The following CCL18 variants were observed in gnomAD, a reference collection of about 807,000 sequenced individuals.
CCL18 encodes the protein C-C motif chemokine 18.
A neutral mutation model predicts 8.0 loss-of-function variants in CCL18; 7 were observed. The observed-to-expected ratio is 0.87, with a 90% confidence interval of 0.50 to 1.64. The LOEUF is 1.64. Ranked by LOEUF, CCL18 falls within the 40% of genes most tolerant of loss-of-function variation. The pLI is 0.00. For synonymous variants in CCL18, 35 were observed against 41.3 expected (o/e 0.85, Z 0.59); for missense variants, 95 against 107.8 (o/e 0.88, Z 0.52).
chr17:36,064,446 G>A (rs773250744), intron 1 of CCL18, 37 bp downstream of exon 1: 1 of 1,546,186 alleles, frequency 6.5e-7, no homozygotes, highest in Admixed American at 1.7e-5. Flanking sequence ...TGGCTCCCTG[G>A]GCAGAAGTCA....
intron 1 of CCL18, 122 bp from the exon 2 acceptor site, chr17:36,070,325 T>A (rs1476972316): frequency 3.3e-6 from 2 of 610,326 alleles, no homozygotes; most frequent in Non-Finnish European, 6.0e-6. Flanking sequence ...TCTTTGTCCC[T>A]ATATCCCCAC....
At chr17:36,065,584 G>A (rs987262875) in intron 1 of CCL18, among the ~76,000 whole-genome samples, 4 of 152,172 alleles carry the variant, frequency 2.6e-5, no homozygotes, top group Admixed American at 2.0e-4. Context: ...AGTGGATATG[G>A]AGAAACATAA....
intron 1 of CCL18, among the ~76,000 whole-genome samples, chr17:36,067,879 T>C (rs854470): frequency 0.78 from 118,662 of 152,164 alleles, 47,176 homozygotes; most frequent in African/African-American, 0.94. Flanking sequence ...TATTATACAG[T>C]GGTGGTCCCA....
Position 36,068,535 on chromosome 17 carries a change from T to C in CCL18, c.68-1912T>C, listed in dbSNP as rs117042407. Among the ~76,000 whole-genome samples the C allele has an allele frequency of 5.0e-3, 762 of 152,362 alleles. 1 individual carries two copies. Among genetic ancestry groups the C allele is most frequent in the Middle Eastern group, 0.048 (14 of 294 alleles). ...ATTCTTTTCTGTATTTTATGTGTTTTCAAAATTAGCTTTACTGCTTTTTGG... is the reference window on the plus strand; with the variant it reads ...ATTCTTTTCTGTATTTTATGTGTTTCCAAAATTAGCTTTACTGCTTTTTGG... On this transcript the variant is annotated intron_variant, in intron 1 of 2. Transcript: ENST00000616054.
rs1353345551 is a variant in CCL18, at chr17:36,071,887, C to T, written c.*846C>T. On this transcript the variant is annotated 3_prime_UTR_variant, in exon 3 of 3. Transcript: ENST00000616054. ...TACTGCCCATAGTCTAGCAAGGACT[C>T]CTTACCTGGAAGTTGCTGAAAGCCT... The T allele has an allele frequency of 6.6e-6, 1 of 152,154 alleles. No individual in the cohort carries two copies. The highest frequency in any genetic ancestry group is 2.4e-5 in the African/African-American group (1 of 41,416). 9.4% of individuals were successfully genotyped at this position (152,154 alleles called of 1,614,324 possible). A position where few individuals can be genotyped will look rare whatever the true frequency, so the allele number is the denominator to read the frequency against.
Position 36,071,336 on chromosome 17 carries a change from T to C in CCL18, c.*295T>C. ...ACTCTTCGTACATTCAATGCATGGA[T>C]CAATCAGTGTGATTAGCTTTCTCAG... On this transcript the variant is annotated 3_prime_UTR_variant, in exon 3 of 3. Transcript: ENST00000616054. 2.7e-6 allele frequency: 1 copy of C among 365,222 alleles called. No homozygotes were observed. The highest frequency in any genetic ancestry group is 4.9e-6 in the Non-Finnish European group (1 of 202,142). 22.6% of individuals were successfully genotyped at this position (365,222 alleles called of 1,614,324 possible).
intron 2 of CCL18, 142 bp from the exon 3 acceptor site, chr17:36,070,809 G>A (rs1447437690): frequency 5.6e-6 from 4 of 717,396 alleles, no homozygotes; most frequent in Non-Finnish European, 1.0e-5. Flanking sequence ...ATTTGGGGAA[G>A]GCCTGTGAAC....
At chr17:36,067,895 T>C (rs1262703765) in intron 1 of CCL18, among the ~76,000 whole-genome samples, 1 of 152,120 alleles carries the variant, frequency 6.6e-6, no homozygotes, top group Non-Finnish European at 1.5e-5. Flanking sequence ...TCCCATAAGA[T>C]TATAATTCTG....
In CCL18 at chr17:36,071,071, A is replaced by G; in HGVS notation, c.*30A>G. On this transcript the variant is annotated 3_prime_UTR_variant, in exon 3 of 3. Transcript: ENST00000616054. ...CCTGGAAGCTGCGAGGGCCCAGTGA[A>G]CTTGGTGGGCCCAGGAGGGAACAGG... 3.3e-6 allele frequency: 5 copies of G among 1,513,104 alleles called. No homozygotes were observed. The highest frequency in any genetic ancestry group is 3.7e-6 in the Non-Finnish European group (4 of 1,089,836). The allele number at this position is 1,513,104 out of a possible 1,614,324, so 93.7% of individuals were successfully genotyped here.
At chr17:36,069,896 C>T (rs2066856683) in intron 1 of CCL18, among the ~76,000 whole-genome samples, 1 of 152,168 alleles carries the variant, frequency 6.6e-6, no homozygotes, top group Non-Finnish European at 1.5e-5. Context: ...ACCCCACTGC[C>T]CGAGTCTATC....
intron 1 of CCL18, among the ~76,000 whole-genome samples, chr17:36,068,104 A>G (rs1309267943): frequency 6.6e-6 from 1 of 152,216 alleles, no homozygotes; most frequent in African/African-American, 2.4e-5. Flanking sequence ...ATATTCCCAC[A>G]ATAACAAAAC....
intron 1 of CCL18, among the ~76,000 whole-genome samples, chr17:36,065,924 C>A (rs989556490): frequency 6.6e-6 from 1 of 152,158 alleles, no homozygotes; most frequent in Non-Finnish European, 1.5e-5. Flanking sequence ...CTTTTCCCAG[C>A]AAGAGACCAT....
At chr17:36,067,993 C>T (rs961174626) in intron 1 of CCL18, among the ~76,000 whole-genome samples, 2 of 152,090 alleles carry the variant, frequency 1.3e-5, no homozygotes, top group Non-Finnish European at 2.9e-5. Flanking sequence ...GTATTCAGTA[C>T]AGTGGCATGC....
At position 36,070,886 on chromosome 17, in the gene CCL18, C is replaced by T. The variant is rs546660556; in HGVS notation, c.180-65C>T. ...CTGAGATGCCTGGGACAGAGAAGGA[C>T]GCAGGGGCCACAGGATTCCCCTGAT... is the stretch of plus-strand genomic sequence containing the variant. On this transcript the variant is annotated intron_variant, in intron 2 of 2. Coordinates refer to ENST00000616054, the MANE Select transcript of CCL18 (RefSeq NM_002988.4). The T allele has an allele frequency of 5.3e-5, 64 of 1,205,432 alleles. 1 individual carries two copies. The highest frequency in any genetic ancestry group is 3.0e-4 in the Admixed American group (18 of 59,464). 74.7% of individuals were successfully genotyped at this position (1,205,432 alleles called of 1,614,324 possible). A position where few individuals can be genotyped will look rare whatever the true frequency, so the allele number is the denominator to read the frequency against.
chr17:36,071,275 G>C lies in CCL18; in HGVS notation c.*234G>C, dbSNP rs975096204. 7 of 517,960 alleles carry C rather than the reference G, an allele frequency of 1.4e-5. No homozygotes were observed. The highest frequency in any genetic ancestry group is 1.9e-5 in the African/African-American group (1 of 51,780). The allele number at this position is 517,960 out of a possible 1,614,324, so 32.1% of individuals were successfully genotyped here. On this transcript the variant is annotated 3_prime_UTR_variant, in exon 3 of 3. Transcript: ENST00000616054. ...ATTAGTATTTTCTCTGACATCTCAT[G>C]ACATTGTCTTTATCATCCTTTCCCC...
At chr17:36,070,852 G>A in intron 2 of CCL18, 99 bp from the exon 3 acceptor site, 1 of 921,974 alleles carries the variant, frequency 1.1e-6, no homozygotes, top group South Asian at 1.3e-5. Flanking sequence ...ACGGGCACGA[G>A]GACAGGCCCT....
chr17:36,070,787 C>T (rs1030703088), intron 2 of CCL18, among the ~76,000 whole-genome samples, 164 bp from the exon 3 acceptor site: 3 of 152,168 alleles, frequency 2.0e-5, no homozygotes, highest in Non-Finnish European at 1.5e-5. Context: ...CCTGAGGAAC[C>T]CCATCTGAGA....
intron 1 of CCL18, among the ~76,000 whole-genome samples, chr17:36,065,588 A>T (rs923905223): frequency 2.0e-5 from 3 of 152,174 alleles, no homozygotes; most frequent in African/African-American, 7.2e-5. Context: ...GATATGGAGA[A>T]ACATAAGAGA....
At chr17:36,064,490 C>A in intron 1 of CCL18, 81 bp downstream of exon 1, 1 of 1,083,376 alleles carries the variant, frequency 9.2e-7, no homozygotes, top group Non-Finnish European at 1.4e-6. Flanking sequence ...GCCTGAAAAC[C>A]CTCGTGTGAA....
Sources: allele counts gnomAD v4.1 joint callset (sites outside exome capture counted in the v4.1 genomes callset), GRCh38; gene constraint gnomAD v4.1.1; transcripts MANE v1.5; gene names NCBI Gene and HGNC (gene_info 2026-07-23, HGNC 2026-07-21).